SLU7: variants seen among roughly 807,000 people sequenced by gnomAD.
The protein encoded by SLU7 is spliceosome associated SLU7.
A neutral mutation model predicts 87.0 loss-of-function variants in SLU7; 60 were observed. That is an observed-to-expected ratio of 0.69 (90% CI 0.56 to 0.86). The LOEUF is 0.86. Ranked by LOEUF, SLU7 falls within the 40% of genes least tolerant of loss-of-function variation. The probability of loss-of-function intolerance (pLI) is 0.00; values close to 1 mark genes in which losing one functional copy is unlikely to be tolerated. For missense variants in SLU7, 507 were observed against 686.6 expected (o/e 0.74, Z 2.92); for synonymous variants, 197 against 222.0 (o/e 0.89, Z 1.00).
rs1450655886 is a variant in SLU7, at chr5:160,404,570, T to C, written c.1465-14A>G. ...TTCTTGATGCAGCTGAAAGGGAGGA[T>C]TGAAATGCAGTGTTATTAATGTGAA... is the stretch of plus-strand genomic sequence containing the variant. On this transcript the variant is annotated splice_polypyrimidine_tract_variant and intron_variant, in intron 14 of 15. Coordinates refer to ENST00000297151, the MANE Select transcript of SLU7 (RefSeq NM_006425.5). The C allele has an allele frequency of 6.7e-7, 1 of 1,498,972 alleles. No homozygotes were observed. The highest frequency in any genetic ancestry group is 2.3e-5 in the East Asian group (1 of 44,384). 92.9% of individuals were successfully genotyped at this position (1,498,972 alleles called of 1,614,324 possible).
In SLU7 at chr5:160,402,673, G is replaced by C. The variant is rs1177955415; in HGVS notation, c.*612C>G. ...TTGAAGCTTAATAAATACAGAGAAA[G>C]AGACATTCTTAATAGGTAGAGAGCC... On this transcript the variant is annotated 3_prime_UTR_variant, in exon 16 of 16. Coordinates refer to ENST00000297151, the MANE Select transcript of SLU7 (RefSeq NM_006425.5). 1 of 152,036 alleles carries C rather than the reference G, an allele frequency of 6.6e-6. No homozygotes were observed. The highest frequency in any genetic ancestry group is 1.5e-5 in the Non-Finnish European group (1 of 68,016). 9.4% of individuals were successfully genotyped at this position (152,036 alleles called of 1,614,324 possible).
intron 12 of SLU7, chr5:160,406,227 T>C (rs1269178926): frequency 1.2e-5 from 4 of 334,300 alleles, no homozygotes; most frequent in Non-Finnish European, 5.4e-6. Context: ...CACATACAAC[T>C]AGACAAAGCA....
At chr5:160,415,032 G>C (rs1765393590) in intron 2 of SLU7, 93 bp downstream of exon 2, 1 of 1,069,694 alleles carries the variant, frequency 9.3e-7, no homozygotes, top group Non-Finnish European at 1.3e-6. Flanking sequence ...TAAATGAAGA[G>C]AGGTTCCTCT....
chr5:160,410,577 AT>A (rs1765189676), intron 6 of SLU7, among the ~76,000 whole-genome samples: 1 of 152,230 alleles, frequency 6.6e-6, no homozygotes, highest in Non-Finnish European at 1.5e-5. Flanking sequence ...TAAAAAAAAA[AT>A]AATCCAAGCA....
At position 160,407,672 on chromosome 5, in the gene SLU7, G is replaced by C; in HGVS notation, c.986-57C>G. 6.2e-7 allele frequency: 1 copy of C among 1,601,504 alleles called. No homozygotes were observed. The highest frequency in any genetic ancestry group is 8.5e-7 in the Non-Finnish European group (1 of 1,174,478). ...GCAGCTGCATTACTGTATGCTTCTTGAAAACAAGCTTTAAACAATCCCAAA... is the reference window on the plus strand; with the variant it reads ...GCAGCTGCATTACTGTATGCTTCTTCAAAACAAGCTTTAAACAATCCCAAA... On this transcript the variant is annotated intron_variant, in intron 10 of 15. Transcript: ENST00000297151. This position sits in a 1 kb window ranked among gnomAD's most constrained non-coding sequence, Gnocchi z 4.2.
chr5:160,408,668 C>T lies in SLU7; in HGVS notation c.669G>A (p.Glu223=), dbSNP rs1372038647. The T allele has an allele frequency of 5.7e-6, 9 of 1,574,114 alleles. No individual in the cohort carries two copies. The highest frequency in any genetic ancestry group is 1.7e-5 in the Admixed American group (1 of 57,632). The change falls in exon 7 of 16, where the codon GAG becomes GAA. Residue 223 remains glutamate (E), a synonymous_variant. Transcript: ENST00000297151. ...GTATTACCATCTGAGAATTTGGTTC[C>T]TCTTCTCCCCACTGGTGTTTTGGAG... The part of the protein sequence containing the change: ...ANSPKHQWGE[E]EPNSQMEKDH...
intron 1 of SLU7, among the ~76,000 whole-genome samples, chr5:160,417,729 T>C (rs1433005965): frequency 1.4e-5 from 2 of 147,758 alleles, no homozygotes; most frequent in Non-Finnish European, 3.0e-5. Context: ...GAGGCCGATA[T>C]TGCAGTGAGC....
chr5:160,403,779 A>T (rs959400855), intron 15 of SLU7, among the ~76,000 whole-genome samples: 1 of 152,244 alleles, frequency 6.6e-6, no homozygotes, highest in East Asian at 1.9e-4. Context: ...TCTGGTAGAG[A>T]CTACAATTCT....
intron 13 of SLU7, 43 bp from the exon 14 acceptor site, chr5:160,404,923 T>A (rs201091082): frequency 6.6e-7 from 1 of 1,513,552 alleles, no homozygotes; most frequent in East Asian, 2.3e-5. Flanking sequence ...TCATAGTTAC[T>A]AATCATCTAA....
At position 160,401,694 on chromosome 5, in the gene SLU7, C is replaced by T. The variant is rs559279623; in HGVS notation, c.*1591G>A. On this transcript the variant is annotated 3_prime_UTR_variant, in exon 16 of 16. Transcript: ENST00000297151. The stretch of plus-strand genomic sequence containing the variant: ...CTTTAACAAAAGATAAAATACAAAA[C>T]GGACACAACATCAGCCTTTATGTTG... The T allele has an allele frequency of 6.6e-6, 1 of 152,254 alleles. No individual in the cohort carries two copies. The highest frequency in any genetic ancestry group is 1.9e-4 in the East Asian group (1 of 5,182). 9.4% of individuals were successfully genotyped at this position (152,254 alleles called of 1,614,324 possible). A position where few individuals can be genotyped will look rare whatever the true frequency, so the allele number is the denominator to read the frequency against.
chr5:160,414,102 T>A, intron 3 of SLU7, 123 bp from the exon 4 acceptor site: 1 of 689,018 alleles, frequency 1.5e-6, no homozygotes, highest in Non-Finnish European at 2.3e-6. Context: ...TAAGTTAGAG[T>A]CTCCACACAT....
chr5:160,408,465 A>G lies in SLU7; in HGVS notation c.688-5T>C. 1 of 1,583,114 alleles carries G rather than the reference A, an allele frequency of 6.3e-7. No homozygotes were observed. Among genetic ancestry groups the G allele is most frequent in the Non-Finnish European group, 8.6e-7 (1 of 1,164,372 alleles). ...TTCACTATTATGATCTTTTTCCTAAAAGAGGGAGAGGAAGGAAAAGTAAGA... is the reference window on the plus strand; with the variant it reads ...TTCACTATTATGATCTTTTTCCTAAGAGAGGGAGAGGAAGGAAAAGTAAGA... On this transcript the variant is annotated splice_polypyrimidine_tract_variant and splice_region_variant and intron_variant, in intron 7 of 15. Transcript: ENST00000297151.
In SLU7 at chr5:160,409,375, A is replaced by G. The variant is rs577817793; in HGVS notation, c.640-678T>C. 5.3e-5 allele frequency among the ~76,000 whole-genome samples: 8 copies of G among 151,376 alleles called. No individual in the cohort carries two copies. The East Asian group carries it at 1.5e-3, about 29-fold the overall frequency. On this transcript the variant is annotated intron_variant, in intron 6 of 15. Transcript: ENST00000297151. ...GCCTACACTAACGTGGTATTTCATC[A>G]TGTCCCTTCATAAAGGCTTCAAAGA...
At chr5:160,417,539 GCACT>G (rs1482448374) in intron 1 of SLU7, among the ~76,000 whole-genome samples, 2 of 152,306 alleles carry the variant, frequency 1.3e-5, no homozygotes, top group African/African-American at 4.8e-5. Flanking sequence ...TGTAATCCCA[GCACT>G]TTGGGAGGCC....
chr5:160,409,716 C>A (rs1340550229), intron 6 of SLU7, among the ~76,000 whole-genome samples: 1 of 151,990 alleles, frequency 6.6e-6, no homozygotes, highest in Non-Finnish European at 1.5e-5. Flanking sequence ...ATGTATTGCA[C>A]TCCATGGAAC....
At position 160,415,217 on chromosome 5, in the gene SLU7, CT is replaced by C. The variant is rs1208821067; in HGVS notation, c.77del (p.Lys26ArgfsTer3). 1 of 1,611,724 alleles carries C rather than the reference CT, an allele frequency of 6.2e-7. No individual in the cohort carries two copies. Among genetic ancestry groups the C allele is most frequent in the Non-Finnish European group, 8.5e-7 (1 of 1,179,066 alleles). On this transcript the variant is annotated frameshift_variant, in exon 2 of 16. Coordinates refer to ENST00000297151, the MANE Select transcript of SLU7 (RefSeq NM_006425.5). LOFTEE classifies it high-confidence loss of function. Reference protein sequence around the residue: ...GSKEMSLEEPKKMTREDWRKK... With the variant: ...GSKEMSLEEPXKMTREDWRKK... ...TTCTCCAGTCCTCTCTGGTCATCTT[CT>C]TTGGTTCTTCCAAACTCATTTCTTT... is the stretch of plus-strand genomic sequence containing the variant.
intron 14 of SLU7, 87 bp downstream of exon 14, chr5:160,404,722 T>C (rs1764932238): frequency 9.7e-7 from 1 of 1,027,966 alleles, no homozygotes; most frequent in South Asian, 1.4e-5. Flanking sequence ...GAGATTCTGT[T>C]TCAAAAGAAA....
intron 4 of SLU7, 127 bp downstream of exon 4, chr5:160,413,772 T>G (rs950878272): frequency 2.1e-6 from 2 of 943,382 alleles, no homozygotes; most frequent in East Asian, 2.6e-5. Context: ...CCAATTCCAC[T>G]GAAACTAATT....
At chr5:160,409,798 TA>T (rs1013920679) in intron 6 of SLU7, among the ~76,000 whole-genome samples, 2 of 151,958 alleles carry the variant, frequency 1.3e-5, no homozygotes, top group African/African-American at 4.8e-5. Context: ...CTTTTTTGAT[TA>T]AAAAAAGGGG....
Sources: gnomAD v4.1 joint callset for allele counts (sites outside exome capture counted in the v4.1 genomes callset) on GRCh38, gnomAD v4.1.1 for gene constraint, Gnocchi (gnomAD v3.1) non-coding constraint, MANE v1.5 for transcripts, NCBI Gene and HGNC (gene_info 2026-07-23, HGNC 2026-07-21) for gene names.